Variants in POFUT3 observed in about 807,000 individuals in gnomAD.
POFUT3 encodes protein O-fucosyltransferase 3.
chr8:33,411,724 G>A, the POFUT3 span, among the ~76,000 whole-genome samples: 2 of 152,180 alleles, frequency 1.3e-5, no homozygotes, highest in Non-Finnish European at 2.9e-5. Flanking sequence ...GGAGGTGGAG[G>A]TTGCAGTGAG....
chr8:33,349,340 A>C, the POFUT3 span, among the ~76,000 whole-genome samples: 1 of 152,080 alleles, frequency 6.6e-6, no homozygotes, highest in Non-Finnish European at 1.5e-5. Flanking sequence ...TTACATAGAT[A>C]AGTTCTTTAG....
chr8:33,413,733 C>G, the POFUT3 span, among the ~76,000 whole-genome samples: 6 of 152,314 alleles, frequency 3.9e-5, 1 homozygote, highest in South Asian at 1.2e-3. Flanking sequence ...GAAGCTATCA[C>G]AGTGCCTTCT....
the POFUT3 span, among the ~76,000 whole-genome samples, chr8:33,308,594 A>G: frequency 6.6e-6 from 1 of 152,166 alleles, no homozygotes; most frequent in African/African-American, 2.4e-5. Flanking sequence ...GGACACAAAC[A>G]ATGGTCACCA....
the POFUT3 span, among the ~76,000 whole-genome samples, chr8:33,363,439 T>A: frequency 1.3e-5 from 2 of 151,858 alleles, no homozygotes; most frequent in African/African-American, 4.8e-5. Flanking sequence ...CTGAAGAAGA[T>A]AGAGACACAA....
chr8:33,338,605 A>G, the POFUT3 span, among the ~76,000 whole-genome samples: 1 of 152,174 alleles, frequency 6.6e-6, no homozygotes, highest in South Asian at 2.1e-4. Context: ...ATGAAGAGTC[A>G]TGATGTTCAC....
the POFUT3 span, among the ~76,000 whole-genome samples, chr8:33,442,421 G>A: frequency 5.9e-5 from 9 of 151,918 alleles, no homozygotes; most frequent in African/African-American, 1.9e-4. Flanking sequence ...CCAAACAGCT[G>A]GGACTACAGG....
chr8:33,389,904 G>A, the POFUT3 span: 4 of 794,996 alleles, frequency 5.0e-6, no homozygotes, highest in Admixed American at 1.0e-4. Flanking sequence ...CTATGAATAA[G>A]AAGCATGTGG....
chr8:33,370,896 C>T, the POFUT3 span: 1 of 152,098 alleles, frequency 6.6e-6, no homozygotes, highest in East Asian at 1.9e-4. Context: ...TTAATATTAT[C>T]AAATAAAATG....
the POFUT3 span, among the ~76,000 whole-genome samples, chr8:33,433,655 G>C: frequency 6.6e-6 from 1 of 150,534 alleles, no homozygotes; most frequent in South Asian, 2.1e-4. Context: ...TTGGTGGCAG[G>C]TACCTGTAAT....
At chr8:33,347,418 T>C in the POFUT3 span, among the ~76,000 whole-genome samples, 1 of 152,234 alleles carries the variant, frequency 6.6e-6, no homozygotes, top group African/African-American at 2.4e-5. Flanking sequence ...TTGGCTTTGG[T>C]TACTATTTCA....
chr8:33,452,869 T>C, the POFUT3 span: 1 of 233,204 alleles, frequency 4.3e-6, no homozygotes, highest in Non-Finnish European at 8.3e-6. Context: ...ATATTTTTTG[T>C]GAATGTAATG....
the POFUT3 span, among the ~76,000 whole-genome samples, chr8:33,314,434 C>T: frequency 7.2e-5 from 11 of 152,174 alleles, no homozygotes; most frequent in East Asian, 1.3e-3. Flanking sequence ...ACAGCTGTTA[C>T]GAGAGTTTAA....
the POFUT3 span, among the ~76,000 whole-genome samples, chr8:33,437,320 C>G: frequency 6.6e-6 from 1 of 151,822 alleles, no homozygotes; most frequent in South Asian, 2.1e-4. Flanking sequence ...GGAGCTCGAA[C>G]TCCCCTAGCT....
the POFUT3 span, among the ~76,000 whole-genome samples, chr8:33,386,426 C>T: frequency 6.6e-6 from 1 of 152,118 alleles, no homozygotes; most frequent in Non-Finnish European, 1.5e-5. Flanking sequence ...AGAAGGACAT[C>T]CAATCATACT....
the POFUT3 span, among the ~76,000 whole-genome samples, chr8:33,395,058 G>A: frequency 6.6e-6 from 1 of 152,130 alleles, no homozygotes; most frequent in Non-Finnish European, 1.5e-5. Context: ...CAGGCTCCCT[G>A]GACAACTGGC....
chr8:33,380,652 C>A, the POFUT3 span, among the ~76,000 whole-genome samples: 2 of 151,770 alleles, frequency 1.3e-5, no homozygotes, highest in African/African-American at 2.4e-5. Flanking sequence ...GCCTGGGCAA[C>A]ATAGCAAGAC....
chr8:33,374,863 T>TTTTTC, the POFUT3 span, among the ~76,000 whole-genome samples: 1 of 137,168 alleles, frequency 7.3e-6, no homozygotes, highest in African/African-American at 2.9e-5. Flanking sequence ...CATTTTCTTT[T>TTTTTC]TTTTCTTTTC....
chr8:33,332,200 G>C, the POFUT3 span, among the ~76,000 whole-genome samples: 3 of 143,734 alleles, frequency 2.1e-5, no homozygotes, highest in Non-Finnish European at 3.0e-5. Context: ...AAAAAAAAAC[G>C]AAGCCAGGAG....
At chr8:33,415,491 C>T in the POFUT3 span, among the ~76,000 whole-genome samples, 2 of 151,998 alleles carry the variant, frequency 1.3e-5, 1 homozygote, top group East Asian at 3.9e-4. Flanking sequence ...GTGAAAATAT[C>T]GGGATTTAAT....
Sources: gnomAD v4.1 joint callset for allele counts (sites outside exome capture counted in the v4.1 genomes callset) on GRCh38, gnomAD v4.1.1 for gene constraint, MANE v1.5 for transcripts, NCBI Gene and HGNC (gene_info 2026-07-23, HGNC 2026-07-21) for gene names.